The following FGD4 variants were observed in gnomAD, a reference collection of about 807,000 sequenced individuals.
FGD4 encodes FYVE, RhoGEF and PH domain containing 4.
Under a neutral mutation model 102.0 loss-of-function variants are expected in FGD4, and 42 were observed. That is an observed-to-expected ratio of 0.41 (90% CI 0.32 to 0.53). FGD4 has a LOEUF of 0.53. Ranked by LOEUF, FGD4 falls within the 20% of genes least tolerant of loss-of-function variation. The probability of loss-of-function intolerance (pLI) is 0.21; values close to 1 mark genes in which losing one functional copy is unlikely to be tolerated. For missense variants in FGD4, 902 were observed against 1,078.2 expected, an observed-to-expected ratio of 0.84 and a Z score of 2.29; for synonymous variants, 380 against 375.7, an observed-to-expected ratio of 1.01 and a Z score of -0.13.
chr12:32,406,029 C>T (rs185447155), intron 1 of FGD4, among the ~76,000 whole-genome samples: 2 of 152,082 alleles, frequency 1.3e-5, no homozygotes, highest in African/African-American at 4.8e-5. Flanking sequence ...CTGCAACCTC[C>T]GCCTCCTGGG....
chr12:32,432,850 A>G (rs1400986244), intron 1 of FGD4, among the ~76,000 whole-genome samples: 2 of 152,164 alleles, frequency 1.3e-5, no homozygotes, highest in Non-Finnish European at 2.9e-5. Context: ...TGAGTGAGTG[A>G]CTGAAATCCT....
intron 4 of FGD4, among the ~76,000 whole-genome samples, chr12:32,594,388 C>G (rs1342543756): frequency 6.6e-6 from 1 of 152,244 alleles, no homozygotes; most frequent in African/African-American, 2.4e-5. Flanking sequence ...TGTCTCCCAT[C>G]ACTCCCAGAT....
At chr12:32,429,728 G>A (rs1045806250) in intron 1 of FGD4, among the ~76,000 whole-genome samples, 1 of 152,200 alleles carries the variant, frequency 6.6e-6, no homozygotes, top group African/African-American at 2.4e-5. Context: ...ACAGATAGGA[G>A]AAATCTAGAG....
intron 13 of FGD4, 39 bp from the exon 14 acceptor site, chr12:32,625,615 T>G: frequency 6.2e-7 from 1 of 1,600,966 alleles, no homozygotes; most frequent in Non-Finnish European, 8.5e-7. Flanking sequence ...GGAATTATAG[T>G]TTTTTTCTAT....
intron 1 of FGD4, among the ~76,000 whole-genome samples, chr12:32,438,616 G>GTGT (rs1555181368): frequency 6.8e-6 from 1 of 146,510 alleles, no homozygotes; most frequent in African/African-American, 2.5e-5. Context: ...GTTTGTGTGT[G>GTGT]TTTTTTTTTT....
At chr12:32,638,971 T>C (rs1951008741) in intron 16 of FGD4, 176 bp downstream of exon 16, 16 of 1,454,674 alleles carry the variant, frequency 1.1e-5, no homozygotes, top group Non-Finnish European at 1.4e-5. Context: ...ATTCATTTTA[T>C]AGCCTATATT....
Position 32,518,192 on chromosome 12 carries a change from G to A in FGD4, c.167-45945G>A, listed in dbSNP as rs527726212. 3.9e-5 allele frequency among the ~76,000 whole-genome samples: 6 copies of A among 152,304 alleles called. No homozygotes were observed. The East Asian group carries it at 1.2e-3, about 29-fold the overall frequency. On this transcript the variant is annotated intron_variant, in intron 1 of 16. Transcript: ENST00000534526. ...TCTAGGAGATGCCTTCTATGGAGCA[G>A]TGTTCTATGAAGGGTGGTGTGCCCT...
intron 15 of FGD4, 143 bp downstream of exon 15, chr12:32,633,832 C>A (rs901461874): frequency 8.4e-6 from 6 of 717,230 alleles, no homozygotes; most frequent in Non-Finnish European, 1.3e-5. Context: ...TACAGGCCCA[C>A]GCCACCATGC....
chr12:32,594,308 G>T (rs559032046), intron 4 of FGD4, among the ~76,000 whole-genome samples: 27 of 152,102 alleles, frequency 1.8e-4, no homozygotes, highest in Non-Finnish European at 3.1e-4. Context: ...GAACCCTATT[G>T]TGAACTGCAC....
rs937756279 is a variant in FGD4, at chr12:32,582,661, T to G, written c.1011+194T>G. On this transcript the variant is annotated intron_variant, in intron 4 of 16. Coordinates refer to ENST00000534526, the MANE Select transcript of FGD4 (RefSeq NM_001370298.3). Reference sequence around the variant, plus strand: ...GCAGATATTTCACTTTTTCTTTTCATGTAGTTTCTGTTAATATCTCTGTTG... The same window carrying G: ...GCAGATATTTCACTTTTTCTTTTCAGGTAGTTTCTGTTAATATCTCTGTTG... 9.5e-5 allele frequency: 64 copies of G among 675,462 alleles called. No individual in the cohort carries two copies. In the African/African-American group the frequency reaches 1.1e-3, roughly 12 times the overall value. 41.8% of individuals were successfully genotyped at this position (675,462 alleles called of 1,614,324 possible). A position where few individuals can be genotyped will look rare whatever the true frequency, so the allele number is the denominator to read the frequency against.
chr12:32,467,306 G>A (rs185137583), intron 1 of FGD4, among the ~76,000 whole-genome samples: 3 of 152,282 alleles, frequency 2.0e-5, no homozygotes, highest in African/African-American at 7.2e-5. Flanking sequence ...TAGATCTACA[G>A]GAAAATTCTG....
chr12:32,458,386 A>C (rs1378892953), intron 1 of FGD4, among the ~76,000 whole-genome samples: 1 of 151,990 alleles, frequency 6.6e-6, no homozygotes, highest in Non-Finnish European at 1.5e-5. Context: ...CATGTTGCCC[A>C]GGCTGCTCTT....
chr12:32,471,131 T>A (rs1943405355), intron 1 of FGD4, among the ~76,000 whole-genome samples: 1 of 152,170 alleles, frequency 6.6e-6, no homozygotes, highest in South Asian at 2.1e-4. Flanking sequence ...CCTGCCAACC[T>A]TCCCCCCAAC....
At chr12:32,440,548 G>A (rs1216371560) in intron 1 of FGD4, among the ~76,000 whole-genome samples, 1 of 152,214 alleles carries the variant, frequency 6.6e-6, no homozygotes, top group East Asian at 1.9e-4. Context: ...TGGGGGTAGA[G>A]TGACCCCTGT....
chr12:32,624,546 T>C lies in FGD4; in HGVS notation c.1953+94T>C. Reference sequence around the variant, plus strand: ...TGGAGTGCAGTGGTGTGATCATGTCTCACTGCAGCCTCTGTCTGGGCTCAA... The same window carrying C: ...TGGAGTGCAGTGGTGTGATCATGTCCCACTGCAGCCTCTGTCTGGGCTCAA... On this transcript the variant is annotated intron_variant, in intron 12 of 16. Coordinates refer to ENST00000534526, the MANE Select transcript of FGD4 (RefSeq NM_001370298.3). The C allele has an allele frequency of 7.6e-6, 8 of 1,046,708 alleles. No homozygotes were observed. In the South Asian group the frequency reaches 9.7e-5, roughly 13 times the overall value. The allele number at this position is 1,046,708 out of a possible 1,614,324, so 64.8% of individuals were successfully genotyped here.
At chr12:32,469,949 G>C (rs1943372722) in intron 1 of FGD4, among the ~76,000 whole-genome samples, 1 of 152,110 alleles carries the variant, frequency 6.6e-6, no homozygotes. Flanking sequence ...ATGAGCCACT[G>C]TGCCTGGCCT....
chr12:32,638,554 T>A lies in FGD4; in HGVS notation c.2314-101T>A, dbSNP rs149695939. ...TAATTGCAAATGAATCTTTTTTGGA[T>A]AGTCCAGGGAAACATTTTGTATAAA... On this transcript the variant is annotated intron_variant, in intron 15 of 16. Coordinates refer to ENST00000534526, the MANE Select transcript of FGD4 (RefSeq NM_001370298.3). 3.4e-5 allele frequency: 50 copies of A among 1,451,020 alleles called. No individual in the cohort carries two copies. In the East Asian group the frequency reaches 1.0e-3, roughly 30 times the overall value. 89.9% of individuals were successfully genotyped at this position (1,451,020 alleles called of 1,614,324 possible). A position where few individuals can be genotyped will look rare whatever the true frequency, so the allele number is the denominator to read the frequency against.
At chr12:32,583,879 G>A (rs946683473) in intron 4 of FGD4, among the ~76,000 whole-genome samples, 2 of 152,152 alleles carry the variant, frequency 1.3e-5, no homozygotes, top group African/African-American at 2.4e-5. Context: ...GGAAGAGAAG[G>A]TTATAGAACC....
At chr12:32,460,197 T>G (rs765430341) in intron 1 of FGD4, among the ~76,000 whole-genome samples, 6 of 152,220 alleles carry the variant, frequency 3.9e-5, no homozygotes, top group Non-Finnish European at 7.3e-5. Flanking sequence ...TTTCATTTTA[T>G]CTTTGTGTCA....
Sources: allele counts gnomAD v4.1 joint callset (sites outside exome capture counted in the v4.1 genomes callset), GRCh38; gene constraint gnomAD v4.1.1; transcripts MANE v1.5; gene names NCBI Gene and HGNC (gene_info 2026-07-23, HGNC 2026-07-21).